Variants in MDM4 observed in about 807,000 individuals in gnomAD.
MDM4 encodes protein Mdm4.
In MDM4, 2 loss-of-function variants were observed where a neutral mutation model predicts 60.2. The observed-to-expected ratio is 0.03, with a 90% confidence interval of 0.01 to 0.10. The LOEUF (loss-of-function observed/expected upper bound fraction) is 0.10. Among genes scored for constraint, MDM4 ranks in the 10% least tolerant of loss-of-function variants. MDM4 has a pLI of 1.00. For synonymous variants in MDM4, 202 were observed against 198.1 expected (o/e 1.02, Z -0.17); for missense variants, 447 against 577.5 (o/e 0.77, Z 2.32).
At chr1:204,524,700 C>G (rs574325108) in intron 1 of MDM4, among the ~76,000 whole-genome samples, 1 of 152,228 alleles carries the variant, frequency 6.6e-6, no homozygotes, top group Non-Finnish European at 1.5e-5. Flanking sequence ...TCGCTTGAAC[C>G]TGGGAAGCAG....
At chr1:204,535,967 A>G (rs1439132201) in intron 5 of MDM4, among the ~76,000 whole-genome samples, 1 of 152,148 alleles carries the variant, frequency 6.6e-6, no homozygotes, top group African/African-American at 2.4e-5. Flanking sequence ...TTGCTTTATT[A>G]AAGAATTGCT....
At chr1:204,537,111 TC>T in intron 5 of MDM4, 1 of 322,836 alleles carries the variant, frequency 3.1e-6, no homozygotes, top group Middle Eastern at 4.5e-4. Flanking sequence ...AAAAATAGAC[TC>T]CATTATGTCC....
rs181171068 is a variant in MDM4 at position 204,526,376 on chromosome 1, C to G, written c.95C>G (p.Pro32Arg). The G allele has an allele frequency of 6.2e-7, 1 of 1,613,750 alleles. No individual in the cohort carries two copies. The highest frequency in any genetic ancestry group is 8.5e-7 in the Non-Finnish European group (1 of 1,179,798). Residue 32 changes from proline (P) to arginine (R), a missense_variant, in exon 3 of 11, where the codon CCG becomes CGG. By Grantham distance (103) the Pro-to-Arg change is moderately radical. Coordinates refer to ENST00000367182, the MANE Select transcript of MDM4 (RefSeq NM_002393.5). ...GQINQVRPKL[P>R]LLKILHAAGA... ...TTATATCAGGTACGACCAAAACTGC[C>G]GCTTTTGAAGATTTTGCATGCAGCA... is the stretch of plus-strand genomic sequence containing the variant.
chr1:204,522,337 CAAAA>C (rs1020261456), intron 1 of MDM4, among the ~76,000 whole-genome samples: 3 of 150,768 alleles, frequency 2.0e-5, no homozygotes, highest in Admixed American at 6.6e-5. Context: ...CACACACACA[CAAAA>C]AAAGCAAATG....
In MDM4 at chr1:204,531,934, A is replaced by G. The variant is rs531796886; in HGVS notation, c.288-257A>G. 5.3e-5 allele frequency among the ~76,000 whole-genome samples: 8 copies of G among 152,290 alleles called. No individual in the cohort carries two copies. In the South Asian group the frequency reaches 1.4e-3, roughly 28 times the overall value. ...TTCCAAAAGAGATTTCCCCACTTGGATTACTGTTCGCTAATGAAATAAAAT... is the reference window on the plus strand; with the variant it reads ...TTCCAAAAGAGATTTCCCCACTTGGGTTACTGTTCGCTAATGAAATAAAAT... On this transcript the variant is annotated intron_variant, in intron 4 of 10. Coordinates refer to ENST00000367182, the MANE Select transcript of MDM4 (RefSeq NM_002393.5).
Position 204,525,604 on chromosome 1 carries a change from A to AT in MDM4, c.78+12dup. ...CCTGGACAAATCAATCAGGTAAATC[A>AT]TTTTCGGTATTTCTAGTTTTTTGGT... is the stretch of plus-strand genomic sequence containing the variant. On this transcript the variant is annotated intron_variant, in intron 2 of 10. Coordinates refer to ENST00000367182, the MANE Select transcript of MDM4 (RefSeq NM_002393.5). The AT allele has an allele frequency of 6.6e-7, 1 of 1,515,136 alleles. No individual in the cohort carries two copies. The highest frequency in any genetic ancestry group is 1.2e-5 in the South Asian group (1 of 82,272). 93.9% of individuals were successfully genotyped at this position (1,515,136 alleles called of 1,614,324 possible).
chr1:204,537,319 A>G, intron 5 of MDM4, 111 bp from the exon 6 acceptor site: 1 of 724,682 alleles, frequency 1.4e-6, no homozygotes, highest in Non-Finnish European at 2.4e-6. Flanking sequence ...ATGGAGAAGT[A>G]CATTTCTAGG....
rs190576292 is a variant in MDM4 at position 204,541,108 on chromosome 1, G to C, written c.512-1676G>C. On this transcript the variant is annotated intron_variant, in intron 7 of 10. Transcript: ENST00000367182. ...ATTTTATTCCTTAATGCAAATCCTT[G>C]CTTATTTTGTACTCAAAAGGCAATT... Among the ~76,000 whole-genome samples the C allele has an allele frequency of 2.0e-5, 3 of 152,214 alleles. No individual in the cohort carries two copies. In the East Asian group the frequency reaches 5.8e-4, roughly 29 times the overall value.
At position 204,553,134 on chromosome 1, in the gene MDM4, A is replaced by C. The variant is rs748842160; in HGVS notation, c.*3452A>C. ...GTCATCCACCCACCTCAGCCTCGCA[A>C]AGTGCTGAGATTACAGGCATGAGCC... is the stretch of plus-strand genomic sequence containing the variant. On this transcript the variant is annotated 3_prime_UTR_variant, in exon 11 of 11. Coordinates refer to ENST00000367182, the MANE Select transcript of MDM4 (RefSeq NM_002393.5). 4 of 177,576 alleles carry C rather than the reference A, an allele frequency of 2.3e-5. No individual in the cohort carries two copies. Among genetic ancestry groups the C allele is most frequent in the African/African-American group, 9.5e-5 (4 of 42,280 alleles). 11.0% of individuals were successfully genotyped at this position (177,576 alleles called of 1,614,324 possible). A position where few individuals can be genotyped will look rare whatever the true frequency, so the allele number is the denominator to read the frequency against.
chr1:204,528,971 G>A (rs1009565539), intron 3 of MDM4: 2 of 1,543,242 alleles, frequency 1.3e-6, no homozygotes, highest in African/African-American at 1.4e-5. Flanking sequence ...CCTGGATGAA[G>A]CAATCAAGCT....
chr1:204,530,666 G>T lies in MDM4; in HGVS notation c.154-18G>T. On this transcript the variant is annotated intron_variant, in intron 3 of 10. Transcript: ENST00000367182. ...TAGCAGCTGGACAGATCACAACATG[G>T]TATTTTATTCCATGCAGGTCATGCA... The T allele has an allele frequency of 6.2e-7, 1 of 1,614,028 alleles. No individual in the cohort carries two copies. Among genetic ancestry groups the T allele is most frequent in the Middle Eastern group, 1.7e-4 (1 of 6,052 alleles).
chr1:204,527,413 C>A (rs539291502), intron 3 of MDM4, among the ~76,000 whole-genome samples: 1 of 152,006 alleles, frequency 6.6e-6, no homozygotes, highest in East Asian at 1.9e-4. Flanking sequence ...CAGCACTTTG[C>A]GAGGCTGAGG....
At chr1:204,545,588 T>G (rs1252705510) in intron 9 of MDM4, among the ~76,000 whole-genome samples, 1 of 152,202 alleles carries the variant, frequency 6.6e-6, no homozygotes, top group African/African-American at 2.4e-5. Context: ...CCCTAGTATA[T>G]TCGTTGTAGT....
intron 3 of MDM4, 66 bp from the exon 4 acceptor site, chr1:204,530,618 C>G: frequency 6.3e-7 from 1 of 1,589,424 alleles, no homozygotes; most frequent in Non-Finnish European, 8.6e-7. Context: ...ACCTTACCTC[C>G]TCTAATGAAT....
chr1:204,546,731 C>A, intron 9 of MDM4, 66 bp from the exon 10 acceptor site: 1 of 1,059,950 alleles, frequency 9.4e-7, no homozygotes, highest in Admixed American at 2.0e-5. Flanking sequence ...GTCTTTTTTG[C>A]TTTCAGTTAA....
At position 204,549,952 on chromosome 1, in the gene MDM4, C is replaced by T. The variant is rs1663044458; in HGVS notation, c.*270C>T. 1 of 324,506 alleles carries T rather than the reference C, an allele frequency of 3.1e-6. No individual in the cohort carries two copies. The highest frequency in any genetic ancestry group is 4.7e-5 in the East Asian group (1 of 21,326). The allele number at this position is 324,506 out of a possible 1,614,324, so 20.1% of individuals were successfully genotyped here. A position where few individuals can be genotyped will look rare whatever the true frequency, so the allele number is the denominator to read the frequency against. On this transcript the variant is annotated 3_prime_UTR_variant, in exon 11 of 11. Coordinates refer to ENST00000367182, the MANE Select transcript of MDM4 (RefSeq NM_002393.5). ...AAAAACTCTTGAAAACAAGAGATTT[C>T]TTCCATGCACATTTACAATATTGAG...
intron 5 of MDM4, chr1:204,536,865 A>G (rs1003547020): frequency 5.8e-6 from 2 of 344,444 alleles, no homozygotes; most frequent in Non-Finnish European, 5.6e-6. Flanking sequence ...ATTAATTTAT[A>G]TACAGGTGAT....
chr1:204,543,061 A>C (rs1486106646), intron 8 of MDM4, 117 bp downstream of exon 8: 1 of 908,220 alleles, frequency 1.1e-6, no homozygotes, highest in African/African-American at 1.7e-5. Context: ...TATGGCGTTA[A>C]ATACCATCTG....
At chr1:204,542,495 C>T (rs1662201871) in intron 7 of MDM4, among the ~76,000 whole-genome samples, 1 of 151,918 alleles carries the variant, frequency 6.6e-6, no homozygotes, top group African/African-American at 2.4e-5. Context: ...TGTTCAGATG[C>T]TTTTAGAGTC....
Sources: gnomAD v4.1 joint callset for allele counts (sites outside exome capture counted in the v4.1 genomes callset) on GRCh38, gnomAD v4.1.1 for gene constraint, MANE v1.5 for transcripts, NCBI Gene and HGNC (gene_info 2026-07-23, HGNC 2026-07-21) for gene names.